Variants in RRP1 observed in about 807,000 individuals in gnomAD.
RRP1 encodes ribosomal RNA processing 1.
Under a neutral mutation model 54.6 loss-of-function variants are expected in RRP1, and 37 were observed. The ratio of observed to expected loss-of-function variants is 0.68; its 90% confidence interval spans 0.52 to 0.89. The LOEUF (loss-of-function observed/expected upper bound fraction) is 0.89, where lower values mean the gene tolerates loss of function less well. Ranked by LOEUF, RRP1 falls within the 40% of genes least tolerant of loss-of-function variation. The pLI is 0.00. For synonymous variants in RRP1, 262 were observed against 244.3 expected (o/e 1.07, Z -0.67); for missense variants, 639 against 612.5 (o/e 1.04, Z -0.46).
At position 43,796,734 on chromosome 21, in the gene RRP1, TC is replaced by T. The variant is rs565141329; in HGVS notation, c.423-686del. On this transcript the variant is annotated intron_variant, in intron 5 of 12. Coordinates refer to ENST00000497547, the MANE Select transcript of RRP1 (RefSeq NM_003683.6). Reference sequence around the variant, plus strand: ...GATTCTCCAGCCTTGCTACGGAGCTTCCTAAGGATCACACAGTTTACAGATC... The same window carrying T: ...GATTCTCCAGCCTTGCTACGGAGCTTCTAAGGATCACACAGTTTACAGATC... Among the ~76,000 whole-genome samples the T allele has an allele frequency of 4.3e-3, 652 of 152,310 alleles. 10 individuals carry two copies. The highest frequency in any genetic ancestry group is 0.015 in the African/African-American group (630 of 41,554).
Position 43,791,378 on chromosome 21 carries a change from G to A in RRP1, c.162G>A (p.Lys54=), listed in dbSNP as rs754160691. ...AGGFTHDELL[K]VWKGLFYCMW... ...GTTTTACGCACGACGAGCTGCTGAA[G>A]GTGTGGAAAGGACTGTTTTATTGCA... The change falls in exon 2 of 13, where the codon AAG becomes AAA. Residue 54 remains lysine, a synonymous_variant. Transcript: ENST00000497547. 1.2e-6 allele frequency: 2 copies of A among 1,614,002 alleles called. No homozygotes were observed. Among genetic ancestry groups the A allele is most frequent in the East Asian group, 2.2e-5 (1 of 44,904 alleles).
Position 43,793,360 on chromosome 21 carries a change from G to C in RRP1, c.316G>C (p.Glu106Gln). The change falls in exon 4 of 13, where the codon GAG becomes CAG. Residue 106 changes from glutamate to glutamine, a missense_variant. Coordinates refer to ENST00000497547, the MANE Select transcript of RRP1 (RefSeq NM_003683.6). ...LQAFWQTMNR[E>Q]WTGIDRLRLD... is the part of the protein sequence containing the mutation. The stretch of plus-strand genomic sequence containing the variant: ...GGCCTTCTGGCAGACCATGAATCGC[G>C]AGTGGACGGGCATTGACAGGCTGCG... The C allele has an allele frequency of 6.2e-7, 1 of 1,614,074 alleles. No individual in the cohort carries two copies. Among genetic ancestry groups the C allele is most frequent in the Non-Finnish European group, 8.5e-7 (1 of 1,180,022 alleles).
In RRP1 at chr21:43,789,694, A is replaced by G. The variant is rs530432421; in HGVS notation, c.65A>G (p.Gln22Arg). 34 of 1,562,962 alleles carry G rather than the reference A, an allele frequency of 2.2e-5. No individual in the cohort carries two copies. In the African/African-American group the frequency reaches 3.6e-4, roughly 16 times the overall value. Reference sequence around the variant, plus strand: ...GCTCAGCGCCTGGCGGGGAATGAGCAGGTGACCCGGGACCGGGCGGTGAGG... The same window carrying G: ...GCTCAGCGCCTGGCGGGGAATGAGCGGGTGACCCGGGACCGGGCGGTGAGG... The part of the protein sequence containing the change: ...QLAQRLAGNE[Q>R]VTRDRAVRKL... Residue 22 changes from glutamine to arginine, a missense_variant, in exon 1 of 13, where the codon CAG becomes CGG. By Grantham distance (43) the Gln-to-Arg change is conservative. Coordinates refer to ENST00000497547, the MANE Select transcript of RRP1 (RefSeq NM_003683.6).
intron 2 of RRP1, among the ~76,000 whole-genome samples, chr21:43,792,018 T>G (rs1053066118): frequency 2.6e-5 from 4 of 152,134 alleles, no homozygotes; most frequent in African/African-American, 9.7e-5. Context: ...AGTGCTGAAA[T>G]AGTGGAAACC....
intron 10 of RRP1, 53 bp from the exon 11 acceptor site, chr21:43,800,809 C>T (rs2085081283): frequency 1.2e-6 from 2 of 1,610,468 alleles, no homozygotes; most frequent in Admixed American, 1.7e-5. Flanking sequence ...GGAGCTTCCT[C>T]CTCCTGCGGA....
chr21:43,796,816 C>T (rs942856586), intron 5 of RRP1, among the ~76,000 whole-genome samples: 1 of 152,186 alleles, frequency 6.6e-6, no homozygotes, highest in African/African-American at 2.4e-5. Flanking sequence ...CATGTAGGTG[C>T]TACACATTAT....
At chr21:43,795,741 C>G (rs778839190) in intron 5 of RRP1, among the ~76,000 whole-genome samples, 1 of 152,144 alleles carries the variant, frequency 6.6e-6, no homozygotes, top group Non-Finnish European at 1.5e-5. Context: ...TTGGTAGAGA[C>G]GAGTTCTGTC....
Position 43,795,251 on chromosome 21 carries a change from G to A in RRP1, c.422+1G>A, listed in dbSNP as rs776428413. 4 of 1,614,072 alleles carry A rather than the reference G, an allele frequency of 2.5e-6. No individual in the cohort carries two copies. The highest frequency in any genetic ancestry group is 3.4e-6 in the Non-Finnish European group (4 of 1,179,964). On this transcript the variant is annotated splice_donor_variant, in intron 5 of 12. Transcript: ENST00000497547. LOFTEE classifies it high-confidence loss of function. ...TGAAGATGCAAGGCTGGGAAGAAAG[G>A]TGGGTGCGCGGCGGGCCTGCTCTGG...
rs986721880 is a variant in RRP1, at chr21:43,800,433, T to C, written c.892-84T>C. 17 of 1,270,786 alleles carry C rather than the reference T, an allele frequency of 1.3e-5. No homozygotes were observed. In the African/African-American group the frequency reaches 2.5e-4, roughly 19 times the overall value. 78.7% of individuals were successfully genotyped at this position (1,270,786 alleles called of 1,614,324 possible). A position where few individuals can be genotyped will look rare whatever the true frequency, so the allele number is the denominator to read the frequency against. ...AGAACCTGCAAGTGGGACCAAGTGC[T>C]ATCTGGGTCTCAGGGGTTCCACGTT... On this transcript the variant is annotated intron_variant, in intron 9 of 12. Transcript: ENST00000497547.
Position 43,804,077 on chromosome 21 carries a change from A to C in RRP1, c.*303A>C, listed in dbSNP as rs1274514575. ...CCCTGCTGTGGGGGGTTCAGAAAAT[A>C]AAATGCCGCGCAGCCCTTGCCAGGG... On this transcript the variant is annotated 3_prime_UTR_variant, in exon 13 of 13. Transcript: ENST00000497547. The surrounding 1 kb of genome is among the most constrained non-coding windows in gnomAD (Gnocchi z 4.3). 2 of 317,306 alleles carry C rather than the reference A, an allele frequency of 6.3e-6. No individual in the cohort carries two copies. Among genetic ancestry groups the C allele is most frequent in the East Asian group, 4.9e-5 (1 of 20,220 alleles). The allele number at this position is 317,306 out of a possible 1,614,324, so 19.7% of individuals were successfully genotyped here. A position where few individuals can be genotyped will look rare whatever the true frequency, so the allele number is the denominator to read the frequency against.
chr21:43,803,276 C>T (rs142371040), intron 12 of RRP1, among the ~76,000 whole-genome samples: 4 of 152,366 alleles, frequency 2.6e-5, no homozygotes, highest in Non-Finnish European at 5.9e-5. Flanking sequence ...GCCTTTGCTC[C>T]TGGGTCTCAT....
At chr21:43,800,377 A>G in intron 9 of RRP1, 140 bp from the exon 10 acceptor site, 1 of 705,280 alleles carries the variant, frequency 1.4e-6, no homozygotes, top group South Asian at 1.7e-5. Context: ...ACCCTCAGTG[A>G]GGGTGGGCTG....
intron 5 of RRP1, 42 bp from the exon 6 acceptor site, chr21:43,797,380 C>A: frequency 6.3e-7 from 1 of 1,579,626 alleles, no homozygotes; most frequent in African/African-American, 1.3e-5. Context: ...TGTCTTGGGG[C>A]TCATCGAGGC....
intron 2 of RRP1, 71 bp downstream of exon 2, chr21:43,791,503 G>GTTTTTCTT (rs2084958304): frequency 7.0e-7 from 1 of 1,421,852 alleles, no homozygotes; most frequent in African/African-American, 1.4e-5. Context: ...GGTCAACCCA[G>GTTTTTCTT]TTTTTCTTTT....
intron 9 of RRP1, among the ~76,000 whole-genome samples, chr21:43,799,912 C>G (rs1343473874): frequency 1.3e-5 from 2 of 152,136 alleles, no homozygotes; most frequent in Admixed American, 6.5e-5. Context: ...ACTGCATTAT[C>G]CAGGGCTGGC....
chr21:43,797,347 C>T (rs2085029731), intron 5 of RRP1, 75 bp from the exon 6 acceptor site: 2 of 1,537,280 alleles, frequency 1.3e-6, no homozygotes, highest in Non-Finnish European at 1.7e-6. Flanking sequence ...AGCGTGTAAC[C>T]ATGGGAGAGT....
chr21:43,798,765 G>A (rs2085051305), intron 8 of RRP1, among the ~76,000 whole-genome samples: 1 of 152,068 alleles, frequency 6.6e-6, no homozygotes, highest in Non-Finnish European at 1.5e-5. Flanking sequence ...CTCATTGTCC[G>A]AGCCTGCTGG....
chr21:43,800,642 C>T, intron 10 of RRP1, 28 bp downstream of exon 10: 1 of 1,590,052 alleles, frequency 6.3e-7, no homozygotes, highest in Non-Finnish European at 8.6e-7. Flanking sequence ...CTGCGTCCTC[C>T]CTGCTCCCCT....
At chr21:43,802,692 C>T (rs1329543283) in intron 12 of RRP1, among the ~76,000 whole-genome samples, 1 of 152,212 alleles carries the variant, frequency 6.6e-6, no homozygotes, top group African/African-American at 2.4e-5. Context: ...GTCTTAGATC[C>T]AAGCCCCGTC....
Sources: allele counts gnomAD v4.1 joint callset (sites outside exome capture counted in the v4.1 genomes callset), GRCh38; gene constraint gnomAD v4.1.1; non-coding constraint Gnocchi (gnomAD v3.1); transcripts MANE v1.5; gene names NCBI Gene and HGNC (gene_info 2026-07-23, HGNC 2026-07-21).